The following IFI44 variants were observed in gnomAD, a reference collection of about 807,000 sequenced individuals.
IFI44 encodes the protein interferon induced protein 44, also known as interferon-induced protein 44.
Under a neutral mutation model 45.0 loss-of-function variants are expected in IFI44, and 42 were observed. The observed-to-expected ratio is 0.93, with a 90% CI of 0.73 to 1.21. The LOEUF is 1.21. Among genes scored for constraint, IFI44 ranks in the 50% most tolerant of loss-of-function variants. The pLI, the probability that IFI44 is intolerant of heterozygous loss-of-function variation, is 0.00. For missense variants in IFI44, 623 were observed against 525.8 expected (o/e 1.18, Z -1.81); for synonymous variants, 221 against 188.6 (o/e 1.17, Z -1.41).
At position 78,650,428 on chromosome 1, in the gene IFI44, T is replaced by A. The variant is rs745767862; in HGVS notation, c.233T>A (p.Ile78Asn). Residue 78 changes from isoleucine to asparagine, a missense_variant, in exon 2 of 9, where the codon ATC becomes AAC. Transcript: ENST00000370747. ...CAGGAAGGAAAGTATGCTTCCATCA[T>A]CCTTTTTGCACTTCAAGATACTAAA... is the stretch of plus-strand genomic sequence containing the variant. ...SYQEGKYASI[I>N]LFALQDTKIS... The A allele has an allele frequency of 2.6e-5, 42 of 1,613,814 alleles. No individual in the cohort carries two copies. Among genetic ancestry groups the A allele is most frequent in the Non-Finnish European group, 3.3e-5 (39 of 1,179,812 alleles).
chr1:78,650,717 T>C, intron 2 of IFI44, 65 bp downstream of exon 2: 1 of 1,082,528 alleles, frequency 9.2e-7, no homozygotes, highest in Admixed American at 2.4e-5. Context: ...TTGAACCAAT[T>C]CATCTCTTTA....
rs1387165110 is a variant in IFI44, at chr1:78,660,562, C to T, written c.1021C>T (p.His341Tyr). ...AATTCTGTTTGGCATAGGTGTGGTA[C>T]ATGTGGCTTTGCTCACTCATGTGGA... The part of the protein sequence containing the change: ...RRELVNAGVV[H>Y]VALLTHVDSM... The change falls in exon 7 of 9, where the codon CAT becomes TAT. Residue 341 changes from histidine to tyrosine, a missense_variant. Transcript: ENST00000370747. The T allele has an allele frequency of 8.7e-6, 14 of 1,611,762 alleles. No individual in the cohort carries two copies. In the South Asian group the frequency reaches 1.2e-4, roughly 14 times the overall value.
At chr1:78,658,860 A>AT (rs1312587808) in intron 5 of IFI44, among the ~76,000 whole-genome samples, 1 of 152,070 alleles carries the variant, frequency 6.6e-6, no homozygotes, top group Non-Finnish European at 1.5e-5. Flanking sequence ...ATCATTTTGC[A>AT]TTTTTGTCAG....
chr1:78,663,789 A>G lies in IFI44; in HGVS notation c.1313A>G (p.Asn438Ser). Reference protein sequence around the residue: ...QIGNLREEIINCAQGKK With the variant: ...QIGNLREEIISCAQGKK ...GGGAATCTAAGGGAGGAAATTATCA[A>G]CTGTGCACAAGGAAAAAAATAGATA... Residue 438 changes from asparagine to serine, a missense_variant, in exon 9 of 9, where the codon AAC becomes AGC. Asn to Ser is a conservative substitution (Grantham distance 46). Coordinates refer to ENST00000370747, the MANE Select transcript of IFI44 (RefSeq NM_006417.5). 1 of 1,612,702 alleles carries G rather than the reference A, an allele frequency of 6.2e-7. No individual in the cohort carries two copies. Among genetic ancestry groups the G allele is most frequent in the Non-Finnish European group, 8.5e-7 (1 of 1,179,500 alleles).
At chr1:78,662,128 C>T (rs916273411) in intron 7 of IFI44, among the ~76,000 whole-genome samples, 1 of 152,136 alleles carries the variant, frequency 6.6e-6, no homozygotes, top group Non-Finnish European at 1.5e-5. Flanking sequence ...GGTGGGAACA[C>T]CAGTTGGGAG....
chr1:78,660,526 A>G (rs1339601829), intron 6 of IFI44, 28 bp from the exon 7 acceptor site: 1 of 1,505,044 alleles, frequency 6.6e-7, no homozygotes, highest in South Asian at 1.1e-5. Context: ...GCTCTCTAAA[A>G]TGATTTAAAA....
intron 5 of IFI44, among the ~76,000 whole-genome samples, chr1:78,658,275 T>C (rs1317151162): frequency 2.0e-5 from 3 of 152,196 alleles, no homozygotes; most frequent in Middle Eastern, 6.8e-3. Context: ...ACATCTATAG[T>C]AACCTCAGTA....
intron 2 of IFI44, among the ~76,000 whole-genome samples, chr1:78,653,067 A>G (rs1232893025): frequency 1.3e-5 from 2 of 152,056 alleles, no homozygotes; most frequent in Non-Finnish European, 2.9e-5. Flanking sequence ...CAAGATAATT[A>G]TTTATTTTAC....
Position 78,657,954 on chromosome 1 carries a change from C to T in IFI44, c.841-1358C>T, listed in dbSNP as rs142241084. Among the ~76,000 whole-genome samples, 167 of 152,140 alleles carry T rather than the reference C, an allele frequency of 1.1e-3. 2 individuals carry two copies. Among genetic ancestry groups the T allele is most frequent in the African/African-American group, 3.8e-3 (157 of 41,536 alleles). The stretch of plus-strand genomic sequence containing the variant: ...TTTTTATATTCTTTTATTCTTGCCA[C>T]AGCTTTTGAAACAGCTATTTCTTCA... On this transcript the variant is annotated intron_variant, in intron 5 of 8. Transcript: ENST00000370747.
At chr1:78,662,424 A>G (rs1647514315) in intron 7 of IFI44, among the ~76,000 whole-genome samples, 1 of 152,224 alleles carries the variant, frequency 6.6e-6, no homozygotes, top group African/African-American at 2.4e-5. Flanking sequence ...TGTTTTTTAA[A>G]AGAAACAGGA....
At position 78,650,139 on chromosome 1, in the gene IFI44, A is replaced by G. The variant is rs929564723; in HGVS notation, c.-10-47A>G. ...AATGCAAATTTTATAACTACATATTATCTGTTTTTTAATATTTAATGGAAA... is the reference window on the plus strand; with the variant it reads ...AATGCAAATTTTATAACTACATATTGTCTGTTTTTTAATATTTAATGGAAA... On this transcript the variant is annotated intron_variant, in intron 1 of 8. Transcript: ENST00000370747. The G allele has an allele frequency of 6.0e-6, 8 of 1,327,918 alleles. No homozygotes were observed. The Admixed American group carries it at 6.6e-5, about 11-fold the overall frequency. 82.3% of individuals were successfully genotyped at this position (1,327,918 alleles called of 1,614,324 possible).
intron 7 of IFI44, 162 bp from the exon 8 acceptor site, chr1:78,662,542 T>A (rs1647523708): frequency 1.7e-5 from 10 of 596,754 alleles, no homozygotes; most frequent in Non-Finnish European, 2.9e-6. Flanking sequence ...GAACTTGATA[T>A]GTGAAGTTCT....
In IFI44 at chr1:78,650,389, C is replaced by A. The variant is rs143576887; in HGVS notation, c.194C>A (p.Ala65Glu). The A allele has an allele frequency of 1.7e-4, 268 of 1,613,848 alleles. No individual in the cohort carries two copies. Among genetic ancestry groups the A allele is most frequent in the Non-Finnish European group, 2.3e-4 (266 of 1,179,912 alleles). Residue 65 changes from alanine to glutamate, a missense_variant, in exon 2 of 9, where the codon GCA becomes GAA. Ala to Glu is a moderately radical substitution (Grantham distance 107, BLOSUM62 -1). Coordinates refer to ENST00000370747, the MANE Select transcript of IFI44 (RefSeq NM_006417.5). Reference sequence around the variant, plus strand: ...GAAGATCATATTATTGGAGCATATGCAGAAGAGAGTTACCAGGAAGGAAAG... The same window carrying A: ...GAAGATCATATTATTGGAGCATATGAAGAAGAGAGTTACCAGGAAGGAAAG... ...YSEDHIIGAY[A>E]EESYQEGKYA...
At chr1:78,652,049 T>C (rs904659246) in intron 2 of IFI44, among the ~76,000 whole-genome samples, 2 of 152,000 alleles carry the variant, frequency 1.3e-5, no homozygotes, top group East Asian at 3.9e-4. Context: ...TCCACGACAT[T>C]TTCAAGGCAG....
chr1:78,655,544 T>A lies in IFI44; in HGVS notation c.840+33T>A, dbSNP rs752997115. On this transcript the variant is annotated intron_variant, in intron 5 of 8. Transcript: ENST00000370747. ...TTGACTAATGAGAAATTATAACTGA[T>A]TTTTAAAATGCTTATTTTTGTACAA... 5 of 1,555,086 alleles carry A rather than the reference T, an allele frequency of 3.2e-6. No homozygotes were observed. In the African/African-American group the frequency reaches 6.9e-5, roughly 21 times the overall value.
At chr1:78,659,017 C>T (rs997894255) in intron 5 of IFI44, among the ~76,000 whole-genome samples, 5 of 151,900 alleles carry the variant, frequency 3.3e-5, no homozygotes, top group African/African-American at 1.2e-4. Context: ...GGCAGATTGC[C>T]TCTCTTATCT....
In IFI44 at chr1:78,650,532, A is replaced by G; in HGVS notation, c.337A>G (p.Asn113Asp). ...TGTTACAAAATATAACTCCCCAACTAATTTCCAGATAGATGGAAGAAATAG... is the reference window on the plus strand; with the variant it reads ...TGTTACAAAATATAACTCCCCAACTGATTTCCAGATAGATGGAAGAAATAG... ...CDVTKYNSPT[N>D]FQIDGRNRKV... The change falls in exon 2 of 9, where the codon AAT becomes GAT. Residue 113 changes from asparagine (N) to aspartate (D), a missense_variant. Coordinates refer to ENST00000370747, the MANE Select transcript of IFI44 (RefSeq NM_006417.5). 6.2e-7 allele frequency: 1 copy of G among 1,613,638 alleles called. No individual in the cohort carries two copies. Among genetic ancestry groups the G allele is most frequent in the Non-Finnish European group, 8.5e-7 (1 of 1,179,530 alleles).
intron 8 of IFI44, 92 bp from the exon 9 acceptor site, chr1:78,663,673 G>A: frequency 1.3e-6 from 2 of 1,546,250 alleles, no homozygotes; most frequent in Non-Finnish European, 8.7e-7. Flanking sequence ...TATTAGCGTT[G>A]GTTGAGATTT....
At chr1:78,655,641 A>G (rs887576491) in intron 5 of IFI44, 130 bp downstream of exon 5, 8 of 794,388 alleles carry the variant, frequency 1.0e-5, no homozygotes, top group Non-Finnish European at 1.5e-5. Context: ...TTTTTTTTCA[A>G]AAAGAATAAA....
Sources: allele counts gnomAD v4.1 joint callset (sites outside exome capture counted in the v4.1 genomes callset), GRCh38; gene constraint gnomAD v4.1.1; transcripts MANE v1.5; gene names NCBI Gene and HGNC (gene_info 2026-07-23, HGNC 2026-07-21).